PDE9A: variants seen among roughly 807,000 people sequenced by gnomAD.
PDE9A encodes phosphodiesterase 9A.
A neutral mutation model predicts 87.4 loss-of-function variants in PDE9A; 60 were observed. The observed-to-expected ratio is 0.69, with a 90% CI of 0.56 to 0.85. The LOEUF (loss-of-function observed/expected upper bound fraction) is 0.85. PDE9A is among the 40% of genes least tolerant of loss of function. The pLI is 0.00. For missense variants in PDE9A, 665 were observed against 779.0 expected, an observed-to-expected ratio of 0.85 and a Z score of 1.74; for synonymous variants, 272 against 279.4, an observed-to-expected ratio of 0.97 and a Z score of 0.27.
chr21:42,673,403 G>T (rs906787743), intron 1 of PDE9A, among the ~76,000 whole-genome samples: 2 of 152,182 alleles, frequency 1.3e-5, no homozygotes, highest in Non-Finnish European at 2.9e-5. Flanking sequence ...CGGTAGCAGA[G>T]GTCAGTCCGC....
At chr21:42,737,276 T>A (rs1191782367) in intron 7 of PDE9A, among the ~76,000 whole-genome samples, 1 of 152,236 alleles carries the variant, frequency 6.6e-6, no homozygotes, top group Non-Finnish European at 1.5e-5. Context: ...AAGGTGCACA[T>A]GCACTCACAT....
chr21:42,701,206 G>C (rs774355963), intron 4 of PDE9A: 7 of 152,084 alleles, frequency 4.6e-5, no homozygotes, highest in Non-Finnish European at 1.0e-4. Flanking sequence ...ACTATTTCAT[G>C]TATTTAATGG....
At chr21:42,732,146 C>G (rs2051859851) in intron 6 of PDE9A, 22 bp downstream of exon 6, 5 of 1,609,190 alleles carry the variant, frequency 3.1e-6, no homozygotes, top group Non-Finnish European at 3.4e-6. Context: ...TCTAAACTTA[C>G]AACCAGCCAG....
rs2054362259 is a variant in PDE9A, at chr21:42,751,033, T to C, written c.654-83T>C. 3.3e-6 allele frequency: 3 copies of C among 909,336 alleles called. No homozygotes were observed. The Admixed American group carries it at 5.2e-5, about 16-fold the overall frequency. The allele number at this position is 909,336 out of a possible 1,614,324, so 56.3% of individuals were successfully genotyped here. On this transcript the variant is annotated intron_variant, in intron 8 of 19. Transcript: ENST00000291539. ...GACCACACGGGGCTTGGGGGTTGGG[T>C]TTGTCGCTTGCTTTTGCTGTGCTGA...
chr21:42,731,110 A>G (rs980699667), intron 4 of PDE9A, among the ~76,000 whole-genome samples: 3 of 152,126 alleles, frequency 2.0e-5, no homozygotes, highest in African/African-American at 7.2e-5. Flanking sequence ...GGCATGCACC[A>G]CCATGCCTGG....
At chr21:42,708,539 ATGAGTTT>A (rs955360155) in intron 4 of PDE9A, among the ~76,000 whole-genome samples, 4 of 151,948 alleles carry the variant, frequency 2.6e-5, no homozygotes, top group Admixed American at 6.6e-5. Flanking sequence ...GTGCAGTTTG[ATGAGTTT>A]TGTTTTGTTT....
chr21:42,771,964 G>A (rs375493807), intron 18 of PDE9A, among the ~76,000 whole-genome samples: 10 of 152,290 alleles, frequency 6.6e-5, no homozygotes, highest in African/African-American at 1.7e-4. Context: ...CCACAACCCC[G>A]CAAGAGAGCT....
chr21:42,725,519 A>C (rs554781459), intron 4 of PDE9A, among the ~76,000 whole-genome samples: 1 of 152,250 alleles, frequency 6.6e-6, no homozygotes, highest in East Asian at 1.9e-4. Context: ...GATTACAGGC[A>C]TGATCCACCA....
At chr21:42,772,250 G>A (rs1352536686) in intron 18 of PDE9A, among the ~76,000 whole-genome samples, 189 bp from the exon 19 acceptor site, 1 of 152,240 alleles carries the variant, frequency 6.6e-6, no homozygotes, top group Non-Finnish European at 1.5e-5. Context: ...GGCACCAAGG[G>A]TAGCGGGACA....
At chr21:42,693,420 T>A (rs2146267373) in intron 3 of PDE9A, among the ~76,000 whole-genome samples, 1 of 150,694 alleles carries the variant, frequency 6.6e-6, no homozygotes, top group Non-Finnish European at 1.5e-5. Context: ...TGCCTCAGCC[T>A]CCCGAGTAGC....
chr21:42,761,144 T>C (rs576860752), intron 13 of PDE9A, among the ~76,000 whole-genome samples: 1 of 152,346 alleles, frequency 6.6e-6, no homozygotes, highest in East Asian at 1.9e-4. Context: ...TTCCCACTCC[T>C]GTGCGGGCCT....
At chr21:42,718,902 A>G (rs919452964) in intron 4 of PDE9A, among the ~76,000 whole-genome samples, 6 of 151,680 alleles carry the variant, frequency 4.0e-5, no homozygotes, top group African/African-American at 1.4e-4. Context: ...TCCTCTGAAG[A>G]GTGTTAATTT....
At chr21:42,711,376 G>A (rs755223855) in intron 4 of PDE9A, among the ~76,000 whole-genome samples, 7 of 151,132 alleles carry the variant, frequency 4.6e-5, no homozygotes, top group Middle Eastern at 3.4e-3. Flanking sequence ...TCAGGCTCCC[G>A]AGTAACTAGG....
Position 42,740,016 on chromosome 21 carries a change from A to G in PDE9A, c.569-3760A>G, listed in dbSNP as rs375676665. Reference sequence around the variant, plus strand: ...GAAAATAGCAAGTTAGAAAACAACAAATTTTATCTTTTAAAATTAATAATA... The same window carrying G: ...GAAAATAGCAAGTTAGAAAACAACAGATTTTATCTTTTAAAATTAATAATA... On this transcript the variant is annotated intron_variant, in intron 7 of 19. Coordinates refer to ENST00000291539, the MANE Select transcript of PDE9A (RefSeq NM_002606.3). Among the ~76,000 whole-genome samples, 42 of 152,304 alleles carry G rather than the reference A, an allele frequency of 2.8e-4. 2 individuals carry two copies. In the South Asian group the frequency reaches 8.5e-3, roughly 31 times the overall value.
chr21:42,696,012 T>C lies in PDE9A; in HGVS notation c.219-2956T>C, dbSNP rs1280991527. Among the ~76,000 whole-genome samples the C allele has an allele frequency of 1.3e-5, 2 of 152,126 alleles. No individual in the cohort carries two copies. The highest frequency in any genetic ancestry group is 4.8e-5 in the African/African-American group (2 of 41,422). The stretch of plus-strand genomic sequence containing the variant: ...AGCCTCCTGGAGCATTCACAGAGGC[T>C]CCCTGTCCGTCCACTTTTCCCTCTG... On this transcript the variant is annotated intron_variant, in intron 3 of 19. Coordinates refer to ENST00000291539, the MANE Select transcript of PDE9A (RefSeq NM_002606.3). This position sits in a 1 kb window ranked among gnomAD's most constrained non-coding sequence, Gnocchi z 5.1.
At chr21:42,724,816 G>C (rs191973094) in intron 4 of PDE9A, among the ~76,000 whole-genome samples, 1 of 152,344 alleles carries the variant, frequency 6.6e-6, no homozygotes, top group Non-Finnish European at 1.5e-5. Context: ...ACCACAGAAG[G>C]TGTGGACAGA....
chr21:42,753,563 TAGAA>T (rs1441333575), intron 9 of PDE9A, among the ~76,000 whole-genome samples: 17 of 152,068 alleles, frequency 1.1e-4, no homozygotes, highest in Admixed American at 1.1e-3. Flanking sequence ...GCAGGTGCCT[TAGAA>T]AGAGAACGGG....
At chr21:42,685,527 T>C (rs1012246611) in intron 1 of PDE9A, among the ~76,000 whole-genome samples, 1 of 143,518 alleles carries the variant, frequency 7.0e-6, no homozygotes, top group East Asian at 2.0e-4. Flanking sequence ...AGTGCAATGG[T>C]GCGATCTCGG....
intron 7 of PDE9A, among the ~76,000 whole-genome samples, chr21:42,742,194 C>T (rs140590613): frequency 0.012 from 1,827 of 152,270 alleles, 21 homozygotes; most frequent in Non-Finnish European, 0.018. Flanking sequence ...CAGTGGGACT[C>T]TGTAACTGCC....
Sources: gnomAD v4.1 joint callset for allele counts (sites outside exome capture counted in the v4.1 genomes callset) on GRCh38, gnomAD v4.1.1 for gene constraint, Gnocchi (gnomAD v3.1) non-coding constraint, MANE v1.5 for transcripts, NCBI Gene and HGNC (gene_info 2026-07-23, HGNC 2026-07-21) for gene names.